CUX2: variants seen among roughly 807,000 people sequenced by gnomAD.
CUX2 encodes homeobox protein cut-like 2.
CUX2 carries 40 observed loss-of-function variants against 144.8 expected under a neutral mutation model. The ratio of observed to expected loss-of-function variants is 0.28; its 90% confidence interval spans 0.21 to 0.36. The LOEUF (loss-of-function observed/expected upper bound fraction) is 0.36. Among genes scored for constraint, CUX2 ranks in the 10% least tolerant of loss-of-function variants. The pLI is 1.00. For missense variants in CUX2, 1,615 were observed against 1,994.0 expected, an observed-to-expected ratio of 0.81 and a Z score of 3.62; for synonymous variants, 827 against 875.6, an observed-to-expected ratio of 0.94 and a Z score of 0.98.
chr12:111,200,792 T>C (rs2136208051), intron 1 of CUX2, among the ~76,000 whole-genome samples: 1 of 152,272 alleles, frequency 6.6e-6, no homozygotes, highest in Admixed American at 6.5e-5. Flanking sequence ...CATTCTCTCT[T>C]CCTCCTTATC....
In CUX2 at chr12:111,151,411, A is replaced by G. The variant is rs149646329; in HGVS notation, c.64-62789A>G. 1.6e-3 allele frequency among the ~76,000 whole-genome samples: 247 copies of G among 152,384 alleles called. 1 individual carries two copies. Among genetic ancestry groups the G allele is most frequent in the South Asian group, 4.8e-3 (23 of 4,834 alleles). On this transcript the variant is annotated intron_variant, in intron 1 of 21. Coordinates refer to ENST00000261726, the MANE Select transcript of CUX2 (RefSeq NM_015267.4). ...GCCATATGCACTACTTTCAGGCCTC[A>G]TCAGTTTTACATTGATTCCTAGTGA...
Position 111,034,794 on chromosome 12 carries a change from C to G in CUX2, c.63+554C>G, listed in dbSNP as rs1018894879. On this transcript the variant is annotated intron_variant, in intron 1 of 21. Transcript: ENST00000261726. The surrounding 1 kb of genome is among the most constrained non-coding windows in gnomAD (Gnocchi z 4.2). ...GCGAGGAGGCGGCTCCGCGCCCCGC[C>G]GCTCGCCGGCACCTCAGCCTTCGCC... Among the ~76,000 whole-genome samples the G allele has an allele frequency of 6.7e-6, 1 of 149,704 alleles. No homozygotes were observed. Among genetic ancestry groups the G allele is most frequent in the Non-Finnish European group, 1.5e-5 (1 of 66,882 alleles).
chr12:111,241,117 C>A (rs1280403137), intron 3 of CUX2, among the ~76,000 whole-genome samples: 2 of 152,136 alleles, frequency 1.3e-5, no homozygotes, highest in Non-Finnish European at 2.9e-5. Flanking sequence ...GTGAGGGCCA[C>A]CTTCCTCTTG....
At chr12:111,292,051 AAC>A (rs1294122116) in intron 5 of CUX2, among the ~76,000 whole-genome samples, 1 of 152,150 alleles carries the variant, frequency 6.6e-6, no homozygotes, top group Admixed American at 6.5e-5. Flanking sequence ...CAGTAAGTAA[AAC>A]ACAGGCTCAC....
At chr12:111,275,753 TGC>T (rs1884843325) in intron 4 of CUX2, among the ~76,000 whole-genome samples, 2 of 152,140 alleles carry the variant, frequency 1.3e-5, no homozygotes, top group East Asian at 3.9e-4. Context: ...TTGCAGGATG[TGC>T]GGGTGCCACC....
intron 18 of CUX2, among the ~76,000 whole-genome samples, chr12:111,326,515 G>A (rs1232181355): frequency 1.3e-5 from 2 of 151,556 alleles, no homozygotes; most frequent in African/African-American, 4.9e-5. Context: ...TTGGTTTTTT[G>A]AGACATAGTC....
chr12:111,231,120 T>G (rs779878531), intron 3 of CUX2, among the ~76,000 whole-genome samples: 1 of 152,220 alleles, frequency 6.6e-6, no homozygotes, highest in Non-Finnish European at 1.5e-5. Context: ...CTCGCCCTGT[T>G]GTGCAACCAA....
chr12:111,257,867 G>A (rs972832078), intron 3 of CUX2, among the ~76,000 whole-genome samples: 1 of 151,984 alleles, frequency 6.6e-6, no homozygotes, highest in South Asian at 2.1e-4. Flanking sequence ...GTCATTCTGG[G>A]CACTTTGCTG....
At chr12:111,302,915 A>G (rs953054931) in intron 9 of CUX2, among the ~76,000 whole-genome samples, 41 of 149,564 alleles carry the variant, frequency 2.7e-4, no homozygotes, top group Admixed American at 1.0e-3. Context: ...AAAAAAAAAA[A>G]AAAGAAAAGA....
At position 111,338,283 on chromosome 12, in the gene CUX2, C is replaced by G; in HGVS notation, c.3197-3C>G. 1 of 1,604,482 alleles carries G rather than the reference C, an allele frequency of 6.2e-7. No individual in the cohort carries two copies. Among genetic ancestry groups the G allele is most frequent in the Non-Finnish European group, 8.5e-7 (1 of 1,174,816 alleles). On this transcript the variant is annotated splice_polypyrimidine_tract_variant and splice_region_variant and intron_variant, in intron 19 of 21. Transcript: ENST00000261726. ...ACAGATTGCTCCCCTCCCCTATCCCCAGGGCAGCGGCTGTTTGGGGAAAGC... is the reference window on the plus strand; with the variant it reads ...ACAGATTGCTCCCCTCCCCTATCCCGAGGGCAGCGGCTGTTTGGGGAAAGC...
chr12:111,324,487 T>G lies in CUX2; in HGVS notation c.2926+1907T>G, dbSNP rs537489366. Among the ~76,000 whole-genome samples the G allele has an allele frequency of 4.0e-5, 6 of 151,782 alleles. No individual in the cohort carries two copies. In the East Asian group the frequency reaches 5.9e-4, roughly 15 times the overall value. On this transcript the variant is annotated intron_variant, in intron 18 of 21. Coordinates refer to ENST00000261726, the MANE Select transcript of CUX2 (RefSeq NM_015267.4). ...TTGCTCTGCTCCTTTCCTATTCTTT[T>G]TTTTGTTTTGTTTTGTTTTTGTTTT...
intron 18 of CUX2, among the ~76,000 whole-genome samples, chr12:111,331,362 G>A (rs546571033): frequency 6.6e-6 from 1 of 152,222 alleles, no homozygotes; most frequent in South Asian, 2.1e-4. Context: ...TTTCCAGCAG[G>A]TGGCAGTTGA....
rs1371841102 is a variant in CUX2 at position 111,347,553 on chromosome 12, A to C, written c.3689A>C (p.Glu1230Ala). Reference sequence around the variant, plus strand: ...CGGATGCGCCGGGAGATGTTGGTGGAGGGGACCCAGGATGAGCCAGACCTT... The same window carrying C: ...CGGATGCGCCGGGAGATGTTGGTGGCGGGGACCCAGGATGAGCCAGACCTT... ...RSRMRREMLV[E>A]GTQDEPDLDP... Residue 1230 changes from glutamate (E) to alanine (A), a missense_variant, in exon 22 of 22, where the codon GAG becomes GCG. By Grantham distance (107) the Glu-to-Ala change is moderately radical. Transcript: ENST00000261726. 6.2e-7 allele frequency: 1 copy of C among 1,607,332 alleles called. No individual in the cohort carries two copies. The highest frequency in any genetic ancestry group is 1.1e-5 in the South Asian group (1 of 90,254).
chr12:111,272,345 C>T (rs1367831939), intron 4 of CUX2, among the ~76,000 whole-genome samples: 2 of 152,142 alleles, frequency 1.3e-5, no homozygotes, highest in Non-Finnish European at 1.5e-5. Context: ...CGCTTCTGCT[C>T]AGTTAGTCCC....
chr12:111,181,976 C>T (rs986055937), intron 1 of CUX2, among the ~76,000 whole-genome samples: 1 of 152,050 alleles, frequency 6.6e-6, no homozygotes, highest in Non-Finnish European at 1.5e-5. Flanking sequence ...GTGCAAGGAC[C>T]CACTGACTCA....
rs1347225493 is a variant in CUX2, at chr12:111,190,624, T to C, written c.64-23576T>C. Among the ~76,000 whole-genome samples, 1 of 152,222 alleles carries C rather than the reference T, an allele frequency of 6.6e-6. No homozygotes were observed. Among genetic ancestry groups the C allele is most frequent in the Non-Finnish European group, 1.5e-5 (1 of 68,044 alleles). On this transcript the variant is annotated intron_variant, in intron 1 of 21. Coordinates refer to ENST00000261726, the MANE Select transcript of CUX2 (RefSeq NM_015267.4). This position sits in a 1 kb window ranked among gnomAD's most constrained non-coding sequence, Gnocchi z 4.0. The stretch of plus-strand genomic sequence containing the variant: ...CATCCAGAGAGACGCCTGGCATTTT[T>C]AGCTGATCAATAGACCCTTTGTGGC...
intron 1 of CUX2, among the ~76,000 whole-genome samples, chr12:111,069,559 C>T (rs112444840): frequency 1.1e-4 from 17 of 148,286 alleles, no homozygotes; most frequent in African/African-American, 2.1e-4. Flanking sequence ...TGTGCGCGCG[C>T]GTGTGTGTGT....
chr12:111,263,466 C>T lies in CUX2; in HGVS notation c.223-295C>T, dbSNP rs1023364005. 6.6e-6 allele frequency among the ~76,000 whole-genome samples: 1 copy of T among 152,082 alleles called. No homozygotes were observed. Among genetic ancestry groups the T allele is most frequent in the African/African-American group, 2.4e-5 (1 of 41,410 alleles). ...CAAAAGTACAAAAAAATTAGCTGGG[C>T]ATGGTGGCAGGCACCTGTAGTGGTA... On this transcript the variant is annotated intron_variant, in intron 3 of 21. Coordinates refer to ENST00000261726, the MANE Select transcript of CUX2 (RefSeq NM_015267.4). This position sits in a 1 kb window ranked among gnomAD's most constrained non-coding sequence, Gnocchi z 4.0.
chr12:111,327,133 A>G (rs1887859671), intron 18 of CUX2, among the ~76,000 whole-genome samples: 1 of 151,734 alleles, frequency 6.6e-6, no homozygotes. Flanking sequence ...TTCTGTCTGG[A>G]TTTGCCTCTT....
Sources: gnomAD v4.1 joint callset for allele counts (sites outside exome capture counted in the v4.1 genomes callset) on GRCh38, gnomAD v4.1.1 for gene constraint, Gnocchi (gnomAD v3.1) non-coding constraint, MANE v1.5 for transcripts, NCBI Gene and HGNC (gene_info 2026-07-23, HGNC 2026-07-21) for gene names.